The following NCKAP1 variants were observed in gnomAD, a reference collection of about 807,000 sequenced individuals.
The protein encoded by NCKAP1 is NCK associated protein 1, also known as nck-associated protein 1.
NCKAP1 carries 21 observed loss-of-function variants against 151.2 expected under a neutral mutation model. The observed-to-expected ratio is 0.14, with a 90% CI of 0.10 to 0.20. The LOEUF is 0.20. NCKAP1 is among the 10% of genes least tolerant of loss of function. The probability of loss-of-function intolerance (pLI) is 1.00; values close to 1 mark genes in which losing one functional copy is unlikely to be tolerated. For synonymous variants in NCKAP1, 484 were observed against 451.8 expected (o/e 1.07, Z -0.90); for missense variants, 933 against 1,352.1 (o/e 0.69, Z 4.86).
At position 182,924,495 on chromosome 2, in the gene NCKAP1, AT is replaced by A. The variant is rs1213424527; in HGVS notation, c.*1206del. ...TGCCCTCCATGCCAACTATTAAGCA[AT>A]AGGCCCTTTTATGTCTTTCCCATTC... On this transcript the variant is annotated 3_prime_UTR_variant, in exon 31 of 31. Coordinates refer to ENST00000361354, the MANE Select transcript of NCKAP1 (RefSeq NM_013436.5). The A allele has an allele frequency of 6.6e-6, 1 of 152,170 alleles. No individual in the cohort carries two copies. The highest frequency in any genetic ancestry group is 1.5e-5 in the Non-Finnish European group (1 of 68,010). The allele number at this position is 152,170 out of a possible 1,614,324, so 9.4% of individuals were successfully genotyped here.
At position 182,975,792 on chromosome 2, in the gene NCKAP1, C is replaced by A. The variant is rs1697809412; in HGVS notation, c.1482+1101G>T. On this transcript the variant is annotated intron_variant, in intron 15 of 30. Transcript: ENST00000361354. ...TGGTGGCTTGCACTTATAGTCCCAG[C>A]TATTCAGGAGGCTGATGTGGGAGCA... Among the ~76,000 whole-genome samples, 3 of 152,118 alleles carry A rather than the reference C, an allele frequency of 2.0e-5. No individual in the cohort carries two copies. The South Asian group carries it at 6.2e-4, about 32-fold the overall frequency.
chr2:183,038,027 C>T lies in NCKAP1; in HGVS notation c.73G>A (p.Val25Ile). 6.3e-7 allele frequency: 1 copy of T among 1,583,174 alleles called. No homozygotes were observed. Among genetic ancestry groups the T allele is most frequent in the Non-Finnish European group, 8.5e-7 (1 of 1,171,986 alleles). Residue 25 changes from valine to isoleucine, a missense_variant, in exon 1 of 31, where the codon GTC (valine) becomes ATC (isoleucine). By Grantham distance (29) the Val-to-Ile change is conservative. Coordinates refer to ENST00000361354, the MANE Select transcript of NCKAP1 (RefSeq NM_013436.5). Reference protein sequence around the residue: ...EKLTILNDRGVGMLTRLYNIK... With the variant: ...EKLTILNDRGIGMLTRLYNIK... ...TTGTAGAGGCGGGTGAGCATGCCGA[C>T]GCCCCGGTCGTTGAGGATGGTGAGC...
intron 10 of NCKAP1, among the ~76,000 whole-genome samples, chr2:182,985,880 A>T (rs1479400490): frequency 6.6e-6 from 1 of 152,076 alleles, no homozygotes; most frequent in African/African-American, 2.4e-5. Context: ...TACAAAAATC[A>T]TATTGGTATG....
intron 1 of NCKAP1, among the ~76,000 whole-genome samples, chr2:183,026,597 A>C (rs16823929): frequency 0.035 from 5,376 of 152,204 alleles, 134 homozygotes; most frequent in Middle Eastern, 0.12. Context: ...TAACATACTT[A>C]ATTGGGAGGC....
rs1184593257 is a variant in NCKAP1 at position 183,038,056 on chromosome 2, T to C, written c.44A>G (p.Glu15Gly). 4.4e-6 allele frequency: 7 copies of C among 1,587,706 alleles called. No homozygotes were observed. The highest frequency in any genetic ancestry group is 8.5e-7 in the Non-Finnish European group (1 of 1,174,068). Residue 15 changes from glutamate to glycine, a missense_variant, in exon 1 of 31, where the codon GAG (glutamate) becomes GGG (glycine). Physicochemically the swap from Glu to Gly is moderately conservative, Grantham distance 98. Around this residue, in one of 2 missense-constraint regions of NCKAP1, gnomAD observed 607 missense variants for 795.0 expected, o/e 0.76. Coordinates refer to ENST00000361354, the MANE Select transcript of NCKAP1 (RefSeq NM_013436.5). ...VLQPSQQKLA[E>G]KLTILNDRGV... is the part of the protein sequence containing the mutation. Reference sequence around the variant, plus strand: ...CCGGTCGTTGAGGATGGTGAGCTTCTCCGCCAGCTTCTGCTGACTGGGCTG... The same window carrying C: ...CCGGTCGTTGAGGATGGTGAGCTTCCCCGCCAGCTTCTGCTGACTGGGCTG...
chr2:182,971,266 C>T lies in NCKAP1; in HGVS notation c.1483-3905G>A, dbSNP rs1027254846. Among the ~76,000 whole-genome samples the T allele has an allele frequency of 1.7e-4, 26 of 149,190 alleles. No individual in the cohort carries two copies. The East Asian group carries it at 3.5e-3, about 20-fold the overall frequency. ...AAAATTAGCCGGGCGTAGTGGCGGG[C>T]GCCTGTAGTCCCAGCTACTTGGGAG... On this transcript the variant is annotated intron_variant, in intron 15 of 30. Transcript: ENST00000361354.
Position 182,928,154 on chromosome 2 carries a change from T to C in NCKAP1, c.3143A>G (p.Lys1048Arg). Residue 1048 changes from lysine to arginine, a missense_variant, in exon 29 of 31, where the codon AAA becomes AGA. Physicochemically the swap from Lys to Arg is conservative, Grantham distance 26. Around this residue, in one of 2 missense-constraint regions of NCKAP1, gnomAD observed 326 missense variants for 557.1 expected, o/e 0.59. Transcript: ENST00000361354. ...QIAAALFTIHKGSIEDRLKEF... is the reference protein window; with the variant it reads ...QIAAALFTIHRGSIEDRLKEF... ...TTTAAGACGGTCTTCAATGCTTCCT[T>C]TGTGAATTGTAAACAAAGCTGCAGC... is the stretch of plus-strand genomic sequence containing the variant. 6.2e-7 allele frequency: 1 copy of C among 1,612,352 alleles called. No homozygotes were observed. Among genetic ancestry groups the C allele is most frequent in the Non-Finnish European group, 8.5e-7 (1 of 1,178,728 alleles).
chr2:183,024,892 T>G (rs1279454645), intron 1 of NCKAP1: 1 of 1,461,216 alleles, frequency 6.8e-7, no homozygotes, highest in Non-Finnish European at 9.5e-7. Context: ...GGCTATGTTG[T>G]GGATTGCAGA....
chr2:182,925,866 T>TTG, intron 30 of NCKAP1, 48 bp from the exon 31 acceptor site: 2 of 1,043,292 alleles, frequency 1.9e-6, no homozygotes, highest in Non-Finnish European at 2.8e-6. Context: ...ATAACTTGTT[T>TTG]ATAAACAAAA....
At chr2:183,012,016 A>G (rs577794820) in intron 2 of NCKAP1, among the ~76,000 whole-genome samples, 9 of 152,128 alleles carry the variant, frequency 5.9e-5, no homozygotes, top group East Asian at 1.9e-4. Context: ...GGAACTCCCA[A>G]TTGTTTTTTC....
Position 182,957,450 on chromosome 2 carries a change from T to A in NCKAP1, c.2021+7A>T. The A allele has an allele frequency of 6.2e-7, 1 of 1,609,244 alleles. No individual in the cohort carries two copies. Among genetic ancestry groups the A allele is most frequent in the Non-Finnish European group, 8.5e-7 (1 of 1,178,810 alleles). ...AGCAAAAAGGTATAATATAAGTGGA[T>A]ACTTACTTGGTCACAACCAGCCTGT... On this transcript the variant is annotated splice_region_variant and intron_variant, in intron 19 of 30. Coordinates refer to ENST00000361354, the MANE Select transcript of NCKAP1 (RefSeq NM_013436.5).
intron 18 of NCKAP1, among the ~76,000 whole-genome samples, chr2:182,958,345 T>C (rs1368792082): frequency 1.3e-5 from 2 of 152,142 alleles, no homozygotes; most frequent in African/African-American, 4.8e-5. Context: ...GGTTTCGCCA[T>C]GTTGGCCAGG....
chr2:182,937,910 T>C (rs372844461), intron 24 of NCKAP1, among the ~76,000 whole-genome samples: 4 of 152,244 alleles, frequency 2.6e-5, no homozygotes, highest in African/African-American at 9.6e-5. Context: ...ATACCTGCCA[T>C]GGAAGAGATA....
At chr2:182,978,753 A>T in intron 14 of NCKAP1, 81 bp downstream of exon 14, 1 of 780,198 alleles carries the variant, frequency 1.3e-6, no homozygotes, top group Non-Finnish European at 1.9e-6. Context: ...TAGCCAAATT[A>T]ATTGGTAAAT....
At position 182,916,859 on chromosome 2, in the gene NCKAP1, T is replaced by A. The variant is rs1696476091; in HGVS notation, c.*8843A>T. 1 of 152,152 alleles carries A rather than the reference T, an allele frequency of 6.6e-6. No homozygotes were observed. Among genetic ancestry groups the A allele is most frequent in the Admixed American group, 6.6e-5 (1 of 15,260 alleles). 9.4% of individuals were successfully genotyped at this position (152,152 alleles called of 1,614,324 possible). A position where few individuals can be genotyped will look rare whatever the true frequency, so the allele number is the denominator to read the frequency against. On this transcript the variant is annotated 3_prime_UTR_variant, in exon 31 of 31. Transcript: ENST00000361354. ...AGCATCGTTTTCTGTTAAAGTTACA[T>A]GACAGGGAAAATAATCTTTCCCATT... is the stretch of plus-strand genomic sequence containing the variant.
At chr2:182,932,619 T>C (rs1368006365) in intron 26 of NCKAP1, among the ~76,000 whole-genome samples, 1 of 152,102 alleles carries the variant, frequency 6.6e-6, no homozygotes, top group Non-Finnish European at 1.5e-5. Context: ...ATAGGTGCGT[T>C]ATAACTCAAT....
chr2:183,032,623 T>G (rs547322264), intron 1 of NCKAP1, among the ~76,000 whole-genome samples: 2 of 152,198 alleles, frequency 1.3e-5, no homozygotes, highest in South Asian at 4.1e-4. Context: ...CTACTGTGTA[T>G]AGGCAGTCCA....
In NCKAP1 at chr2:182,915,006, T is replaced by A. The variant is rs1316041252; in HGVS notation, c.*10696A>T. ...CAGCCATACCGGGTGTCAGAGCATG[T>A]TGTGAGCACCTCTACCTGGGTGTCC... On this transcript the variant is annotated 3_prime_UTR_variant, in exon 31 of 31. Coordinates refer to ENST00000361354, the MANE Select transcript of NCKAP1 (RefSeq NM_013436.5). The A allele has an allele frequency of 6.6e-6, 1 of 152,166 alleles. No individual in the cohort carries two copies. Among genetic ancestry groups the A allele is most frequent in the Non-Finnish European group, 1.5e-5 (1 of 68,018 alleles). 9.4% of individuals were successfully genotyped at this position (152,166 alleles called of 1,614,324 possible). A position where few individuals can be genotyped will look rare whatever the true frequency, so the allele number is the denominator to read the frequency against.
At chr2:183,033,161 T>C (rs946712659) in intron 1 of NCKAP1, among the ~76,000 whole-genome samples, 6 of 152,216 alleles carry the variant, frequency 3.9e-5, no homozygotes, top group African/African-American at 1.2e-4. Flanking sequence ...TATCTGGTAA[T>C]ACAGTACACT....
Sources: gnomAD v4.1 joint callset for allele counts (sites outside exome capture counted in the v4.1 genomes callset) on GRCh38, gnomAD v4.1.1 for gene constraint, gnomAD v4.1.1 regional missense constraint, MANE v1.5 for transcripts, NCBI Gene and HGNC (gene_info 2026-07-23, HGNC 2026-07-21) for gene names.